Variants in ITGA5 observed in about 807,000 individuals in gnomAD.
The protein encoded by ITGA5 is integrin subunit alpha 5.
ITGA5 carries 55 observed loss-of-function variants against 146.3 expected under a neutral mutation model. The observed-to-expected ratio is 0.38, with a 90% CI of 0.30 to 0.47. The LOEUF (loss-of-function observed/expected upper bound fraction) is 0.47, where lower values mean the gene tolerates loss of function less well. Among genes scored for constraint, ITGA5 ranks in the 20% least tolerant of loss-of-function variants. The pLI, the probability that ITGA5 is intolerant of heterozygous loss-of-function variation, is 0.99. For synonymous variants in ITGA5, 500 were observed against 531.8 expected (o/e 0.94, Z 0.82); for missense variants, 1,131 against 1,329.0 (o/e 0.85, Z 2.32).
chr12:54,403,529 A>G lies in ITGA5; in HGVS notation c.1776+96T>C, dbSNP rs951810277. On this transcript the variant is annotated intron_variant, in intron 17 of 29. Coordinates refer to ENST00000293379, the MANE Select transcript of ITGA5 (RefSeq NM_002205.5). This position sits in a 1 kb window ranked among gnomAD's most constrained non-coding sequence, Gnocchi z 4.9. ...CCCCTACAAGAGTCCCAAGCCCTTC[A>G]CTGGAGTCCCCCAGTCTTTTTCCCT... 3.5e-6 allele frequency: 5 copies of G among 1,425,926 alleles called. No individual in the cohort carries two copies. In the African/African-American group the frequency reaches 7.1e-5, roughly 20 times the overall value. 88.3% of individuals were successfully genotyped at this position (1,425,926 alleles called of 1,614,324 possible).
chr12:54,409,412 C>T lies in ITGA5; in HGVS notation c.463-60G>A. 6.2e-7 allele frequency: 1 copy of T among 1,608,184 alleles called. No homozygotes were observed. Among genetic ancestry groups the T allele is most frequent in the Non-Finnish European group, 8.5e-7 (1 of 1,177,136 alleles). ...AGTCCAATAAGGCCCTTCCTCCCTC[C>T]CTCCAGGCCCGGCCTTACCCAACCA... On this transcript the variant is annotated intron_variant, in intron 3 of 29. Transcript: ENST00000293379. The surrounding 1 kb of genome is among the most constrained non-coding windows in gnomAD (Gnocchi z 4.7).
At position 54,403,510 on chromosome 12, in the gene ITGA5, C is replaced by T. The variant is rs971780026; in HGVS notation, c.1776+115G>A. 7.5e-7 allele frequency: 1 copy of T among 1,342,142 alleles called. No individual in the cohort carries two copies. Among genetic ancestry groups the T allele is most frequent in the African/African-American group, 1.5e-5 (1 of 68,600 alleles). The allele number at this position is 1,342,142 out of a possible 1,614,324, so 83.1% of individuals were successfully genotyped here. On this transcript the variant is annotated intron_variant, in intron 17 of 29. Coordinates refer to ENST00000293379, the MANE Select transcript of ITGA5 (RefSeq NM_002205.5). This position sits in a 1 kb window ranked among gnomAD's most constrained non-coding sequence, Gnocchi z 4.9. ...GAAGGTCTCCCTTTCTCAGCCCCTA[C>T]AAGAGTCCCAAGCCCTTCACTGGAG...
intron 9 of ITGA5, 32 bp downstream of exon 9, chr12:54,407,617 G>A (rs1266827739): frequency 1.3e-6 from 2 of 1,584,890 alleles, no homozygotes; most frequent in Admixed American, 3.3e-5. Flanking sequence ...GGCAGGGGAG[G>A]AGAGGAAGTG....
Position 54,396,480 on chromosome 12 carries a change from T to C in ITGA5, c.3067-104A>G, listed in dbSNP as rs1458312069. The C allele has an allele frequency of 1.1e-5, 10 of 881,068 alleles. No homozygotes were observed. The Admixed American group carries it at 1.3e-4, about 12-fold the overall frequency. The allele number at this position is 881,068 out of a possible 1,614,324, so 54.6% of individuals were successfully genotyped here. A position where few individuals can be genotyped will look rare whatever the true frequency, so the allele number is the denominator to read the frequency against. On this transcript the variant is annotated intron_variant, in intron 29 of 29. Transcript: ENST00000293379. ...GGAGGACTCTAGTGCCTCCAACCTC[T>C]ACATCCTGCAAAAGTGGCCTCTGAA...
In ITGA5 at chr12:54,396,058, C is replaced by T; in HGVS notation, c.*235G>A. 2.2e-6 allele frequency: 1 copy of T among 453,484 alleles called. No individual in the cohort carries two copies. Among genetic ancestry groups the T allele is most frequent in the Non-Finnish European group, 4.0e-6 (1 of 251,264 alleles). The allele number at this position is 453,484 out of a possible 1,614,324, so 28.1% of individuals were successfully genotyped here. A position where few individuals can be genotyped will look rare whatever the true frequency, so the allele number is the denominator to read the frequency against. Reference sequence around the variant, plus strand: ...GGGCCTCTGTCCCTGGATCTGAGTTCCCCCATCCATGAAGAGGGTATGTGT... The same window carrying T: ...GGGCCTCTGTCCCTGGATCTGAGTTTCCCCATCCATGAAGAGGGTATGTGT... On this transcript the variant is annotated 3_prime_UTR_variant, in exon 30 of 30. Transcript: ENST00000293379.
intron 9 of ITGA5, 39 bp downstream of exon 9, chr12:54,407,610 A>C: frequency 6.4e-7 from 1 of 1,564,262 alleles, no homozygotes; most frequent in East Asian, 2.2e-5. Context: ...GTGATTAGGC[A>C]GGGGAGGAGA....
At chr12:54,417,688 G>T (rs55970243) in intron 1 of ITGA5, among the ~76,000 whole-genome samples, 1 of 152,088 alleles carries the variant, frequency 6.6e-6, no homozygotes, top group Non-Finnish European at 1.5e-5. Flanking sequence ...AAAACAGGTC[G>T]CTTCTGACAG....
At chr12:54,408,358 G>A in intron 6 of ITGA5, 123 bp from the exon 7 acceptor site, 4 of 1,092,804 alleles carry the variant, frequency 3.7e-6, no homozygotes, top group South Asian at 2.9e-5. Flanking sequence ...GGGGAGGGTG[G>A]TGGCATGTAA....
intron 2 of ITGA5, among the ~76,000 whole-genome samples, chr12:54,410,427 C>A (rs1955928988): frequency 6.8e-6 from 1 of 148,040 alleles, no homozygotes; most frequent in Non-Finnish European, 1.5e-5. Context: ...CTCACTGCAA[C>A]CTTGACCTCC....
Position 54,400,895 on chromosome 12 carries a change from G to T in ITGA5, c.2594C>A (p.Thr865Lys), listed in dbSNP as rs138321035. The change falls in exon 25 of 30, where the codon ACG (threonine) becomes AAG (lysine). Residue 865 changes from threonine (T) to lysine (K), a missense_variant. By Grantham distance (78) the Thr-to-Lys change is moderately conservative. This residue lies in a region of ITGA5 where 889 missense variants were observed against 1,021.5 expected (regional missense o/e 0.87). Coordinates refer to ENST00000293379, the MANE Select transcript of ITGA5 (RefSeq NM_002205.5). Reference protein sequence around the residue: ...GQQLLYVTRVTGLNCTTNHPI... With the variant: ...GQQLLYVTRVKGLNCTTNHPI... ...GTGATTGGTGGTGCAGTTGAGTCCC[G>T]TAACTCTGGTCACATATAGGAGCTG... 6.2e-7 allele frequency: 1 copy of T among 1,614,072 alleles called. No individual in the cohort carries two copies. The highest frequency in any genetic ancestry group is 8.5e-7 in the Non-Finnish European group (1 of 1,179,984).
In ITGA5 at chr12:54,404,769, G is replaced by T. The variant is rs1337329610; in HGVS notation, c.1351C>A (p.His451Asn). The T allele has an allele frequency of 6.2e-7, 1 of 1,614,140 alleles. No individual in the cohort carries two copies. Among genetic ancestry groups the T allele is most frequent in the Admixed American group, 1.7e-5 (1 of 60,026 alleles). ...QVLQPLWAAS[H>N]TPDFFGSALR... ...GCAGAGCCAAAGAAGTCTGGGGTGT[G>T]GCTGGCTGCCCACAGGGGCTGCAGA... Residue 451 changes from histidine (H) to asparagine (N), a missense_variant, in exon 13 of 30, where the codon CAC becomes AAC. His to Asn is a moderately conservative substitution (Grantham distance 68, BLOSUM62 1). Coordinates refer to ENST00000293379, the MANE Select transcript of ITGA5 (RefSeq NM_002205.5).
At chr12:54,399,485 C>G (rs375487914) in intron 27 of ITGA5, among the ~76,000 whole-genome samples, 160 bp downstream of exon 27, 1 of 152,102 alleles carries the variant, frequency 6.6e-6, no homozygotes, top group Non-Finnish European at 1.5e-5. Flanking sequence ...TAGATGGCGC[C>G]AAGGACATAC....
chr12:54,400,687 C>G, intron 25 of ITGA5, 159 bp downstream of exon 25: 2 of 633,356 alleles, frequency 3.2e-6, no homozygotes. Context: ...CCTTTTTCCT[C>G]CAGAGGATTT....
chr12:54,412,157 C>A (rs1167240245), intron 1 of ITGA5, among the ~76,000 whole-genome samples, 193 bp from the exon 2 acceptor site: 2 of 152,116 alleles, frequency 1.3e-5, no homozygotes, highest in East Asian at 3.9e-4. Context: ...CCCCATGTGC[C>A]GCTGTCACTA....
chr12:54,414,978 G>A (rs1032667870), intron 1 of ITGA5, among the ~76,000 whole-genome samples: 6 of 151,706 alleles, frequency 4.0e-5, no homozygotes, highest in Admixed American at 3.9e-4. Flanking sequence ...GCGAAACCCC[G>A]TCTCTACTAA....
intron 29 of ITGA5, chr12:54,397,161 T>G: frequency 2.2e-6 from 1 of 460,060 alleles, no homozygotes. Flanking sequence ...TCATCTTGAG[T>G]CAAGAGGACC....
intron 2 of ITGA5, among the ~76,000 whole-genome samples, chr12:54,410,059 G>A (rs1955922654): frequency 1.3e-5 from 2 of 152,150 alleles, no homozygotes; most frequent in South Asian, 4.1e-4. Context: ...GTTTCATCAT[G>A]TTGGTCAGGC....
intron 25 of ITGA5, 60 bp downstream of exon 25, chr12:54,400,786 C>G: frequency 5.1e-6 from 8 of 1,558,780 alleles, no homozygotes; most frequent in Non-Finnish European, 7.0e-6. Flanking sequence ...CTTCCCCAAC[C>G]CCTCAGCCTT....
chr12:54,409,830 A>C lies in ITGA5; in HGVS notation c.350-233T>G. Reference sequence around the variant, plus strand: ...CACATACACACACACACATACATACACACGCACGCACACGCACACAGAACC... The same window carrying C: ...CACATACACACACACACATACATACCCACGCACGCACACGCACACAGAACC... On this transcript the variant is annotated intron_variant, in intron 2 of 29. Transcript: ENST00000293379. This position sits in a 1 kb window ranked among gnomAD's most constrained non-coding sequence, Gnocchi z 4.7. 2 of 412,592 alleles carry C rather than the reference A, an allele frequency of 4.8e-6. No individual in the cohort carries two copies. Among genetic ancestry groups the C allele is most frequent in the Non-Finnish European group, 8.8e-6 (2 of 228,528 alleles). The allele number at this position is 412,592 out of a possible 1,614,324, so 25.6% of individuals were successfully genotyped here.
Sources: gnomAD v4.1 joint callset for allele counts (sites outside exome capture counted in the v4.1 genomes callset) on GRCh38, gnomAD v4.1.1 for gene constraint, gnomAD v4.1.1 regional missense constraint, Gnocchi (gnomAD v3.1) non-coding constraint, MANE v1.5 for transcripts, NCBI Gene and HGNC (gene_info 2026-07-23, HGNC 2026-07-21) for gene names.